AGRN: variants seen among roughly 807,000 people sequenced by gnomAD.
AGRN encodes agrin, also known as agrin proteoglycan.
AGRN carries 106 observed loss-of-function variants against 211.0 expected under a neutral mutation model. The observed-to-expected ratio is 0.50, with a 90% CI of 0.43 to 0.59. The LOEUF is 0.59. Among genes scored for constraint, AGRN ranks in the 20% least tolerant of loss-of-function variants. The pLI is 0.00. For missense variants in AGRN, 3,040 were observed against 2,982.6 expected, an observed-to-expected ratio of 1.02 and a Z score of -0.45; for synonymous variants, 1,525 against 1,332.5, an observed-to-expected ratio of 1.14 and a Z score of -3.15.
chr1:1,055,543 C>T lies in AGRN; in HGVS notation c.*562C>T, dbSNP rs748928659. On this transcript the variant is annotated 3_prime_UTR_variant, in exon 36 of 36. Transcript: ENST00000379370. ...GCCCCAGGCTGCTGAGGAGCAGAGGCCAGACCAGGGCCGATCTGGGTGTCC... is the reference window on the plus strand; with the variant it reads ...GCCCCAGGCTGCTGAGGAGCAGAGGTCAGACCAGGGCCGATCTGGGTGTCC... 1 of 207,116 alleles carries T rather than the reference C, an allele frequency of 4.8e-6. No homozygotes were observed. Among genetic ancestry groups the T allele is most frequent in the Non-Finnish European group, 9.9e-6 (1 of 101,220 alleles). The allele number at this position is 207,116 out of a possible 1,614,324, so 12.8% of individuals were successfully genotyped here.
chr1:1,051,462 G>A lies in AGRN; in HGVS notation c.5380G>A (p.Gly1794Arg), dbSNP rs374148623. The change falls in exon 32 of 36, where the codon GGA becomes AGA. Residue 1794 changes from glycine to arginine, a missense_variant. By Grantham distance (125) the Gly-to-Arg change is moderately radical. This residue lies in a region of AGRN where 1,537 missense variants were observed against 1,505.0 expected (regional missense o/e 1.02). Transcript: ENST00000379370. ...FDGAIQLVSL[G>R]GRQLLTPEHV... ...TCACCCTGCCCTGCAGGTCTCCCTCGGAGGCCGCCAGCTGCTGACCCCGGA... is the reference window on the plus strand; with the variant it reads ...TCACCCTGCCCTGCAGGTCTCCCTCAGAGGCCGCCAGCTGCTGACCCCGGA... The A allele has an allele frequency of 2.2e-5, 34 of 1,559,194 alleles. No individual in the cohort carries two copies. Among genetic ancestry groups the A allele is most frequent in the Middle Eastern group, 2.0e-4 (1 of 5,080 alleles).
In AGRN at chr1:1,044,455, G is replaced by T. The variant is rs114389542; in HGVS notation, c.2254+16G>T. ...GCCTGCCGAGGTGAGCCGGCTGCAC[G>T]TGGGGTCTCAGGCACAGGCGGGGCG... On this transcript the variant is annotated intron_variant, in intron 12 of 35. Coordinates refer to ENST00000379370, the MANE Select transcript of AGRN (RefSeq NM_198576.4). 1 of 1,597,640 alleles carries T rather than the reference G, an allele frequency of 6.3e-7. No homozygotes were observed. Among genetic ancestry groups the T allele is most frequent in the Non-Finnish European group, 8.5e-7 (1 of 1,172,806 alleles).
In AGRN at chr1:1,048,282, G is replaced by T; in HGVS notation, c.4022G>T (p.Gly1341Val). The change falls in exon 23 of 36, where the codon GGG (glycine) becomes GTG (valine). Residue 1341 changes from glycine (G) to valine (V), a missense_variant. Around this residue, in one of 3 missense-constraint regions of AGRN, gnomAD observed 1,537 missense variants for 1,505.0 expected, o/e 1.02. Transcript: ENST00000379370. This position sits in a 1 kb window ranked among gnomAD's most constrained non-coding sequence, Gnocchi z 5.9. ...TGTGACTCACAGCCCTGCTTCCACGGGGGGACCTGCCAGGACTGGGCATTG... is the reference window on the plus strand; with the variant it reads ...TGTGACTCACAGCCCTGCTTCCACGTGGGGACCTGCCAGGACTGGGCATTG... ...KPCDSQPCFH[G>V]GTCQDWALGG... The T allele has an allele frequency of 6.6e-7, 1 of 1,525,162 alleles. No homozygotes were observed. 94.5% of individuals were successfully genotyped at this position (1,525,162 alleles called of 1,614,324 possible). A position where few individuals can be genotyped will look rare whatever the true frequency, so the allele number is the denominator to read the frequency against.
At chr1:1,049,830 C>T in intron 26 of AGRN, 35 bp downstream of exon 26, 1 of 1,609,736 alleles carries the variant, frequency 6.2e-7, no homozygotes, top group Non-Finnish European at 8.5e-7. Context: ...GGAGTGGGAC[C>T]CCGGGGCCTG....
Position 1,055,567 on chromosome 1 carries a change from C to T in AGRN, c.*586C>T. ...GCCAGACCAGGGCCGATCTGGGTGT[C>T]CTGACCCTCAGCTGGCCCTGCCCAG... On this transcript the variant is annotated 3_prime_UTR_variant, in exon 36 of 36. Transcript: ENST00000379370. 1 of 182,704 alleles carries T rather than the reference C, an allele frequency of 5.5e-6. No individual in the cohort carries two copies. 11.3% of individuals were successfully genotyped at this position (182,704 alleles called of 1,614,324 possible).
In AGRN at chr1:1,051,834, C is replaced by T. The variant is rs1029135364; in HGVS notation, c.5651+19C>T. ...CCGAGAGGTAACGTGCCATCCTCTG[C>T]TGGCTGTCGGTTCCATCTGTGCCCT... On this transcript the variant is annotated intron_variant, in intron 33 of 35. Transcript: ENST00000379370. The T allele has an allele frequency of 1.2e-6, 2 of 1,612,998 alleles. No individual in the cohort carries two copies. Among genetic ancestry groups the T allele is most frequent in the African/African-American group, 2.7e-5 (2 of 74,924 alleles).
chr1:1,053,684 C>A, intron 33 of AGRN, 69 bp from the exon 34 acceptor site: 1 of 1,517,784 alleles, frequency 6.6e-7, no homozygotes, highest in Non-Finnish European at 8.9e-7. Flanking sequence ...GGGCCCTTGT[C>A]CTCCCGCCTC....
chr1:1,027,146 C>T (rs115263399), intron 2 of AGRN, among the ~76,000 whole-genome samples: 5 of 152,232 alleles, frequency 3.3e-5, no homozygotes, highest in Admixed American at 6.5e-5. Flanking sequence ...CTCCTGCAGT[C>T]CCCCCACGGA....
rs3128124 is a variant in AGRN, at chr1:1,025,667, A to T, written c.463+3205A>T. 5.4e-3 allele frequency among the ~76,000 whole-genome samples: 779 copies of T among 144,446 alleles called. 3 individuals carry two copies. The highest frequency in any genetic ancestry group is 9.9e-3 in the Non-Finnish European group (651 of 65,782). The allele number at this position is 144,446 out of a possible 152,430, so 94.8% of individuals were successfully genotyped here. On this transcript the variant is annotated intron_variant, in intron 2 of 35. Coordinates refer to ENST00000379370, the MANE Select transcript of AGRN (RefSeq NM_198576.4). ...GCCCCTCTCTGGCCCTCCCCCAGGC[A>T]GGTCTGGGCTCGAGGCTGCTGCCCC...
At position 1,046,703 on chromosome 1, in the gene AGRN, G is replaced by T; in HGVS notation, c.3218G>T (p.Gly1073Val). 6.3e-7 allele frequency: 1 copy of T among 1,582,396 alleles called. No individual in the cohort carries two copies. The highest frequency in any genetic ancestry group is 8.5e-7 in the Non-Finnish European group (1 of 1,169,826). Residue 1073 changes from glycine to valine, a missense_variant, in exon 18 of 36, where the codon GGG (glycine) becomes GTG (valine). Coordinates refer to ENST00000379370, the MANE Select transcript of AGRN (RefSeq NM_198576.4). ...GGAAGCAGCGATGAGGAACTGAGCGGGGACCAGGAGGCCAGTGGGGGTGGC... is the reference window on the plus strand; with the variant it reads ...GGAAGCAGCGATGAGGAACTGAGCGTGGACCAGGAGGCCAGTGGGGGTGGC... ...TDGSSDEELS[G>V]DQEASGGGSG...
chr1:1,027,491 G>C (rs563428883), intron 2 of AGRN, among the ~76,000 whole-genome samples: 2 of 152,294 alleles, frequency 1.3e-5, no homozygotes, highest in African/African-American at 4.8e-5. Context: ...GCTTGCTGTT[G>C]GTTGTCCACT....
intron 3 of AGRN, among the ~76,000 whole-genome samples, chr1:1,037,305 G>A (rs1644824802): frequency 6.6e-6 from 1 of 152,192 alleles, no homozygotes; most frequent in Non-Finnish European, 1.5e-5. Context: ...GAAGGCTGGG[G>A]AGTGTCTCCT....
Position 1,050,800 on chromosome 1 carries a change from G to A in AGRN, c.5216G>A (p.Arg1739His), listed in dbSNP as rs762052033. 86 of 1,597,338 alleles carry A rather than the reference G, an allele frequency of 5.4e-5. No homozygotes were observed. The highest frequency in any genetic ancestry group is 6.5e-5 in the Non-Finnish European group (77 of 1,175,804). ...CGAAACGGCCGCAAGGGTGCCCTGCGTGTGGGCGACGGCCCCCGTGTGTTG... is the reference window on the plus strand; with the variant it reads ...CGAAACGGCCGCAAGGGTGCCCTGCATGTGGGCGACGGCCCCCGTGTGTTG... Reference protein sequence around the residue: ...LERNGRKGALRVGDGPRVLGE... With the variant: ...LERNGRKGALHVGDGPRVLGE... The change falls in exon 30 of 36, where the codon CGT becomes CAT. Residue 1739 changes from arginine to histidine, a missense_variant. Physicochemically the swap from Arg to His is conservative, Grantham distance 29 (BLOSUM62 0). Around this residue, in one of 3 missense-constraint regions of AGRN, gnomAD observed 1,537 missense variants for 1,505.0 expected, o/e 1.02. Transcript: ENST00000379370.
At chr1:1,033,838 A>AC (rs1644733688) in intron 2 of AGRN, among the ~76,000 whole-genome samples, 1 of 101,324 alleles carries the variant, frequency 9.9e-6, no homozygotes, top group African/African-American at 3.8e-5. Context: ...CCAGCCGAGC[A>AC]CCCCCGGCCC....
Position 1,041,265 on chromosome 1 carries a change from G to A in AGRN, c.820G>A (p.Ala274Thr). 1.3e-6 allele frequency: 2 copies of A among 1,504,412 alleles called. No individual in the cohort carries two copies. Among genetic ancestry groups the A allele is most frequent in the Non-Finnish European group, 1.8e-6 (2 of 1,132,436 alleles). 93.2% of individuals were successfully genotyped at this position (1,504,412 alleles called of 1,614,324 possible). Residue 274 changes from alanine (A) to threonine (T), a missense_variant, in exon 5 of 36, where the codon GCG (alanine) becomes ACG (threonine). Physicochemically the swap from Ala to Thr is moderately conservative, Grantham distance 58. Transcript: ENST00000379370. ...GCTGACGGCCTCGTGCCTGTGCCCC[G>A]CGACCTGCCGTGGCGCCCCCGAGGG... ...DGLTASCLCPATCRGAPEGTV... is the reference protein window; with the variant it reads ...DGLTASCLCPTTCRGAPEGTV...
intron 3 of AGRN, among the ~76,000 whole-genome samples, chr1:1,037,903 A>G (rs901435322): frequency 2.6e-5 from 4 of 151,844 alleles, no homozygotes; most frequent in Admixed American, 6.6e-5. Flanking sequence ...CACCACGTGC[A>G]CCTGTCTTCA....
intron 3 of AGRN, among the ~76,000 whole-genome samples, chr1:1,036,905 C>T (rs1427131016): frequency 2.6e-5 from 4 of 152,150 alleles, no homozygotes; most frequent in Admixed American, 2.0e-4. Flanking sequence ...GGCAGCACAG[C>T]ACCATGGGTG....
chr1:1,027,293 C>T (rs940145335), intron 2 of AGRN, among the ~76,000 whole-genome samples: 1 of 152,192 alleles, frequency 6.6e-6, no homozygotes, highest in African/African-American at 2.4e-5. Context: ...CTCAGATGTA[C>T]CAGCCTGTGC....
rs1395463343 is a variant in AGRN, at chr1:1,044,228, T to C, written c.2119T>C (p.Phe707Leu). The C allele has an allele frequency of 6.2e-7, 1 of 1,612,862 alleles. No individual in the cohort carries two copies. Among genetic ancestry groups the C allele is most frequent in the Non-Finnish European group, 8.5e-7 (1 of 1,179,890 alleles). Residue 707 changes from phenylalanine (F) to leucine (L), a missense_variant, in exon 11 of 36, where the codon TTC (phenylalanine) becomes CTC (leucine). By Grantham distance (22) the Phe-to-Leu change is conservative. Coordinates refer to ENST00000379370, the MANE Select transcript of AGRN (RefSeq NM_198576.4). ...GGAGGACGGGCCGTGTGTCTGTGAC[T>C]TCAGCTGCCAGAGTGTCCCAGGCAG... ...DSEDGPCVCD[F>L]SCQSVPGSPV...
Sources: allele counts gnomAD v4.1 joint callset (sites outside exome capture counted in the v4.1 genomes callset), GRCh38; gene constraint gnomAD v4.1.1; regional missense constraint gnomAD v4.1.1; non-coding constraint Gnocchi (gnomAD v3.1); transcripts MANE v1.5; gene names NCBI Gene and HGNC (gene_info 2026-07-23, HGNC 2026-07-21).